Variants in SLC39A11 observed in about 807,000 individuals in gnomAD.
SLC39A11 encodes the protein zinc transporter ZIP11.
SLC39A11 carries 33 observed loss-of-function variants against 36.1 expected under a neutral mutation model. That is an observed-to-expected ratio of 0.91 (90% CI 0.69 to 1.22). The LOEUF (loss-of-function observed/expected upper bound fraction) is 1.22. Ranked by LOEUF, SLC39A11 falls within the 50% of genes most tolerant of loss-of-function variation. The pLI is 0.00. For synonymous variants in SLC39A11, 166 were observed against 170.3 expected, an observed-to-expected ratio of 0.97 and a Z score of 0.20; for missense variants, 432 against 430.3, an observed-to-expected ratio of 1.00 and a Z score of -0.03.
At chr17:72,868,763 C>T (rs2080452574) in intron 5 of SLC39A11, among the ~76,000 whole-genome samples, 1 of 151,864 alleles carries the variant, frequency 6.6e-6, no homozygotes, top group Non-Finnish European at 1.5e-5. Context: ...AGCCATGATC[C>T]CACCACTGCA....
intron 3 of SLC39A11, among the ~76,000 whole-genome samples, chr17:73,061,667 G>A (rs555939878): frequency 6.6e-6 from 1 of 152,216 alleles, no homozygotes; most frequent in South Asian, 2.1e-4. Context: ...ACAACTACTT[G>A]GTCTTTTCTG....
intron 4 of SLC39A11, among the ~76,000 whole-genome samples, chr17:72,953,878 G>T (rs1004794013): frequency 6.6e-6 from 1 of 152,166 alleles, no homozygotes; most frequent in Non-Finnish European, 1.5e-5. Flanking sequence ...GATTGTCAGC[G>T]TCTGGGAGGC....
intron 5 of SLC39A11, among the ~76,000 whole-genome samples, chr17:72,903,641 A>G (rs895798004): frequency 6.6e-6 from 1 of 152,188 alleles, no homozygotes; most frequent in Non-Finnish European, 1.5e-5. Context: ...GCACCAGGTC[A>G]TTTATCTTCC....
chr17:73,008,430 C>T (rs1281447427), intron 4 of SLC39A11, among the ~76,000 whole-genome samples: 1 of 152,210 alleles, frequency 6.6e-6, no homozygotes, highest in African/African-American at 2.4e-5. Flanking sequence ...TCCCTCTGCC[C>T]GTGCCGACTG....
intron 3 of SLC39A11, among the ~76,000 whole-genome samples, chr17:73,049,941 G>A (rs1057403241): frequency 1.3e-5 from 2 of 152,148 alleles, no homozygotes; most frequent in Non-Finnish European, 2.9e-5. Flanking sequence ...TGGCCAACAT[G>A]GTGAAACCCC....
chr17:72,953,469 C>T (rs926826093), intron 4 of SLC39A11, among the ~76,000 whole-genome samples: 15 of 152,182 alleles, frequency 9.9e-5, no homozygotes, highest in African/African-American at 3.1e-4. Flanking sequence ...ATGTATATCT[C>T]CTTCAAGAAA....
At chr17:72,648,992 C>T in intron 8 of SLC39A11, 31 bp from the exon 9 acceptor site, 1 of 1,594,798 alleles carries the variant, frequency 6.3e-7, no homozygotes, top group Non-Finnish European at 8.5e-7. Flanking sequence ...TTTACCACCG[C>T]AGGGGGAGGC....
At chr17:73,068,829 C>A (rs1188135034) in intron 3 of SLC39A11, among the ~76,000 whole-genome samples, 1 of 152,108 alleles carries the variant, frequency 6.6e-6, no homozygotes, top group Admixed American at 6.6e-5. Flanking sequence ...CCAGCCTCCC[C>A]CTGTGCACAC....
At chr17:72,779,589 C>A (rs573096706) in intron 6 of SLC39A11, among the ~76,000 whole-genome samples, 1 of 152,170 alleles carries the variant, frequency 6.6e-6, no homozygotes, top group African/African-American at 2.4e-5. Flanking sequence ...GCTAACCCAT[C>A]GCTCTCTTTG....
chr17:72,759,937 A>G (rs2075510332), intron 6 of SLC39A11, among the ~76,000 whole-genome samples: 1 of 152,196 alleles, frequency 6.6e-6, no homozygotes, highest in Admixed American at 6.5e-5. Context: ...TGATACCCAG[A>G]GAAGTATTGG....
At chr17:72,810,861 T>C (rs376634966) in intron 6 of SLC39A11, among the ~76,000 whole-genome samples, 22 of 152,216 alleles carry the variant, frequency 1.4e-4, no homozygotes, top group African/African-American at 3.1e-4. Flanking sequence ...AATTTTTGTA[T>C]TTTTAGTAGA....
chr17:72,980,305 T>G (rs1412431415), intron 4 of SLC39A11, among the ~76,000 whole-genome samples: 1 of 152,092 alleles, frequency 6.6e-6, no homozygotes, highest in Non-Finnish European at 1.5e-5. Flanking sequence ...TCTGTAATAC[T>G]CATAAAAGGA....
chr17:72,949,308 T>TCAC (rs1307964415), intron 4 of SLC39A11, among the ~76,000 whole-genome samples: 2 of 151,486 alleles, frequency 1.3e-5, no homozygotes, highest in African/African-American at 2.4e-5. Context: ...TCACAGGCAC[T>TCAC]CACCACCACG....
intron 5 of SLC39A11, among the ~76,000 whole-genome samples, chr17:72,878,000 T>A (rs541068083): frequency 1.3e-3 from 139 of 106,810 alleles, no homozygotes; most frequent in African/African-American, 4.9e-3. Context: ...CCCCAGTGCG[T>A]GATGTTCCCC....
intron 3 of SLC39A11, among the ~76,000 whole-genome samples, chr17:73,082,543 G>A (rs932000122): frequency 1.3e-5 from 2 of 151,772 alleles, no homozygotes; most frequent in Non-Finnish European, 2.9e-5. Flanking sequence ...ATATAAATGA[G>A]AGGATGGGGG....
intron 6 of SLC39A11, among the ~76,000 whole-genome samples, chr17:72,784,869 TTTTTTTTTTAGATGGAATC>T (rs2076452454): frequency 6.6e-6 from 1 of 151,192 alleles, no homozygotes; most frequent in African/African-American, 2.4e-5. Context: ...TCTTTTTTTT[TTTTTTTTTTAGATGGAATC>T]TCGCTCTGTC....
At chr17:72,660,378 A>G (rs980945763) in intron 7 of SLC39A11, among the ~76,000 whole-genome samples, 2 of 152,238 alleles carry the variant, frequency 1.3e-5, no homozygotes, top group African/African-American at 4.8e-5. Flanking sequence ...ATGTAACAAC[A>G]TGCCTTGCCC....
intron 5 of SLC39A11, among the ~76,000 whole-genome samples, chr17:72,900,006 GA>G (rs1940689428): frequency 7.8e-6 from 1 of 127,804 alleles, no homozygotes; most frequent in African/African-American, 3.9e-5. Flanking sequence ...GAGAGAGAAA[GA>G]GAGAGAGAGA....
intron 6 of SLC39A11, among the ~76,000 whole-genome samples, chr17:72,824,647 C>G (rs183500396): frequency 6.6e-6 from 1 of 151,392 alleles, no homozygotes; most frequent in East Asian, 1.9e-4. Flanking sequence ...GATAGTGATA[C>G]GGACAATGAA....
Sources: allele counts gnomAD v4.1 joint callset (sites outside exome capture counted in the v4.1 genomes callset), GRCh38; gene constraint gnomAD v4.1.1; transcripts MANE v1.5; gene names NCBI Gene and HGNC (gene_info 2026-07-23, HGNC 2026-07-21).